DLG2: variants seen among roughly 807,000 people sequenced by gnomAD.
DLG2 encodes the protein disks large homolog 2.
A neutral mutation model predicts 132.5 loss-of-function variants in DLG2; 45 were observed. That is an observed-to-expected ratio of 0.34 (90% CI 0.27 to 0.44). DLG2 has a LOEUF of 0.44. Ranked by LOEUF, DLG2 falls within the 20% of genes least tolerant of loss-of-function variation. DLG2 has a pLI of 1.00. For synonymous variants in DLG2, 424 were observed against 419.6 expected, an observed-to-expected ratio of 1.01 and a Z score of -0.13; for missense variants, 1,045 against 1,196.9, an observed-to-expected ratio of 0.87 and a Z score of 1.87.
In DLG2 at chr11:83,833,762, C is replaced by T. The variant is rs139555691; in HGVS notation, c.1574G>A (p.Arg525His). The T allele has an allele frequency of 2.4e-5, 38 of 1,613,356 alleles. No homozygotes were observed. Among genetic ancestry groups the T allele is most frequent in the Admixed American group, 3.3e-5 (2 of 59,914 alleles). ...GGAGCCTTTGTGCAGGACTACCTTGCGAGGCTCTCTGCAGAAAGAAATAGA... is the reference window on the plus strand; with the variant it reads ...GGAGCCTTTGTGCAGGACTACCTTGTGAGGCTCTCTGCAGAAAGAAATAGA... Reference protein sequence around the residue: ...QRAVSLEGEPRKVVLHKGSTG... With the variant: ...QRAVSLEGEPHKVVLHKGSTG... The change falls in exon 17 of 28, where the codon CGC becomes CAC. Residue 525 changes from arginine (R) to histidine (H), a missense_variant. Physicochemically the swap from Arg to His is conservative, Grantham distance 29. This residue lies in a region of DLG2 where 261 missense variants were observed against 256.1 expected (regional missense o/e 1.02). Coordinates refer to ENST00000376104, the MANE Select transcript of DLG2 (RefSeq NM_001142699.3).
intron 17 of DLG2, among the ~76,000 whole-genome samples, chr11:83,821,840 A>G (rs1159217591): frequency 6.6e-6 from 1 of 152,146 alleles, no homozygotes; most frequent in African/African-American, 2.4e-5. Context: ...CTACTGAATC[A>G]TTTCCATCAA....
At chr11:84,774,406 C>T (rs1466620008) in intron 6 of DLG2, among the ~76,000 whole-genome samples, 7 of 152,164 alleles carry the variant, frequency 4.6e-5, no homozygotes, top group South Asian at 2.1e-4. Context: ...TTCTATCAAA[C>T]GACCAACATT....
intron 3 of DLG2, among the ~76,000 whole-genome samples, chr11:85,504,486 T>C (rs2093880850): frequency 3.9e-5 from 6 of 152,242 alleles, no homozygotes; most frequent in Admixed American, 3.9e-4. Context: ...TCCCCATTTC[T>C]TGTTTTTGTC....
intron 11 of DLG2, among the ~76,000 whole-genome samples, chr11:83,989,650 G>A (rs992310202): frequency 1.3e-5 from 2 of 152,134 alleles, no homozygotes; most frequent in Admixed American, 1.3e-4. Context: ...TTCCAGGCTG[G>A]ATAAATGACT....
At chr11:83,592,461 T>C (rs1239754880) in intron 19 of DLG2, among the ~76,000 whole-genome samples, 6 of 150,878 alleles carry the variant, frequency 4.0e-5, no homozygotes, top group Admixed American at 3.3e-4. Context: ...TGAAACTGGA[T>C]CCCTTCCTTA....
chr11:85,468,111 G>C (rs948411546), intron 3 of DLG2, among the ~76,000 whole-genome samples: 1 of 152,068 alleles, frequency 6.6e-6, no homozygotes, highest in African/African-American at 2.4e-5. Context: ...GGTGTTTATA[G>C]TATTCTCTGA....
intron 16 of DLG2, among the ~76,000 whole-genome samples, chr11:83,863,966 T>A (rs1408500025): frequency 6.6e-6 from 1 of 152,184 alleles, no homozygotes; most frequent in East Asian, 1.9e-4. Flanking sequence ...TTCCCATCAA[T>A]GTTCATAATT....
chr11:83,994,686 C>G (rs961589457), intron 11 of DLG2, among the ~76,000 whole-genome samples: 1 of 152,088 alleles, frequency 6.6e-6, no homozygotes, highest in Non-Finnish European at 1.5e-5. Flanking sequence ...ACACTCAATT[C>G]CAGGCTATCT....
chr11:83,527,894 A>G (rs1226087585), intron 21 of DLG2, among the ~76,000 whole-genome samples: 1 of 152,184 alleles, frequency 6.6e-6, no homozygotes, highest in East Asian at 1.9e-4. Flanking sequence ...AGATTATGCA[A>G]TTTCCTAAAC....
chr11:85,507,444 G>T (rs1248362282), intron 3 of DLG2, among the ~76,000 whole-genome samples: 1 of 152,064 alleles, frequency 6.6e-6, no homozygotes, highest in East Asian at 1.9e-4. Context: ...TGTCTGTAAA[G>T]GATTTTATTT....
chr11:83,729,892 G>A (rs910303105), intron 18 of DLG2, among the ~76,000 whole-genome samples: 3 of 152,108 alleles, frequency 2.0e-5, no homozygotes, highest in African/African-American at 7.2e-5. Context: ...AGAAGAGTGA[G>A]CATGAAAGCA....
intron 6 of DLG2, among the ~76,000 whole-genome samples, chr11:84,895,664 G>A (rs945436784): frequency 6.6e-6 from 1 of 152,052 alleles, no homozygotes; most frequent in South Asian, 2.1e-4. Context: ...TATTGTAAGG[G>A]GAGTTTCACA....
chr11:84,139,850 C>T (rs1037716153), intron 9 of DLG2, among the ~76,000 whole-genome samples: 2 of 152,042 alleles, frequency 1.3e-5, no homozygotes, highest in African/African-American at 2.4e-5. Flanking sequence ...ATTTAGAGGG[C>T]TAAAGAGTTC....
chr11:84,739,039 TAGAC>T lies in DLG2; in HGVS notation c.358-204312_358-204309del, dbSNP rs772102454. On this transcript the variant is annotated intron_variant, in intron 6 of 27. Coordinates refer to ENST00000376104, the MANE Select transcript of DLG2 (RefSeq NM_001142699.3). ...ATCTACTGCTTCCTAGGCCTAGAGG[TAGAC>T]AGAGGGAAGGGATAAAAAGAGGCAT... is the stretch of plus-strand genomic sequence containing the variant. 3.2e-4 allele frequency among the ~76,000 whole-genome samples: 49 copies of T among 151,956 alleles called. 1 individual carries two copies. The highest frequency in any genetic ancestry group is 3.4e-3 in the Middle Eastern group (1 of 294).
intron 6 of DLG2, among the ~76,000 whole-genome samples, chr11:84,886,331 A>G (rs2088302837): frequency 6.6e-6 from 1 of 152,144 alleles, no homozygotes; most frequent in Non-Finnish European, 1.5e-5. Flanking sequence ...TATCATATTT[A>G]TAGAAGAAAC....
intron 4 of DLG2, among the ~76,000 whole-genome samples, chr11:85,259,351 G>A (rs567443840): frequency 5.9e-5 from 9 of 152,128 alleles, no homozygotes; most frequent in East Asian, 3.9e-4. Context: ...GAGGCCTCCC[G>A]AGAAGCAGAA....
At chr11:84,170,344 A>G (rs2095792098) in intron 8 of DLG2, among the ~76,000 whole-genome samples, 1 of 152,224 alleles carries the variant, frequency 6.6e-6, no homozygotes, top group Non-Finnish European at 1.5e-5. Context: ...AATACTTAGT[A>G]CCTATCATGT....
At chr11:83,511,602 T>A (rs921308579) in intron 21 of DLG2, among the ~76,000 whole-genome samples, 4 of 152,140 alleles carry the variant, frequency 2.6e-5, no homozygotes, top group Admixed American at 6.5e-5. Flanking sequence ...GTATTTTTAT[T>A]ATTATTAGAT....
At chr11:84,502,376 T>C (rs546700840) in intron 7 of DLG2, among the ~76,000 whole-genome samples, 5 of 92,578 alleles carry the variant, frequency 5.4e-5, no homozygotes, top group African/African-American at 3.0e-4. Context: ...CTTTCTTTCT[T>C]TCTTTCTTTC....
Sources: allele counts gnomAD v4.1 joint callset (sites outside exome capture counted in the v4.1 genomes callset), GRCh38; gene constraint gnomAD v4.1.1; regional missense constraint gnomAD v4.1.1; transcripts MANE v1.5; gene names NCBI Gene and HGNC (gene_info 2026-07-23, HGNC 2026-07-21).